REV1: variants seen among roughly 807,000 people sequenced by gnomAD.
REV1 encodes translesion synthesis protein REV1.
REV1 carries 42 observed loss-of-function variants against 137.4 expected under a neutral mutation model. That is an observed-to-expected ratio of 0.31 (90% CI 0.24 to 0.40). REV1 has a LOEUF of 0.40. REV1 is among the 10% of genes least tolerant of loss of function. The probability of loss-of-function intolerance (pLI) is 1.00; values close to 1 mark genes in which losing one functional copy is unlikely to be tolerated. For synonymous variants in REV1, 524 were observed against 519.2 expected (o/e 1.01, Z -0.12); for missense variants, 1,282 against 1,490.1 (o/e 0.86, Z 2.30).
At chr2:99,445,880 A>G (rs867125711) in intron 4 of REV1, among the ~76,000 whole-genome samples, 1 of 152,198 alleles carries the variant, frequency 6.6e-6, no homozygotes, top group African/African-American at 2.4e-5. Context: ...CACCCCACAT[A>G]CTTACAAGTG....
Position 99,412,861 on chromosome 2 carries a change from T to A in REV1, c.2042A>T (p.Lys681Ile). 6.2e-7 allele frequency: 1 copy of A among 1,614,168 alleles called. No homozygotes were observed. The change falls in exon 13 of 23, where the codon AAA becomes ATA. Residue 681 changes from lysine (K) to isoleucine (I), a missense_variant. This residue lies in a region of REV1 where 372 missense variants were observed against 482.3 expected (regional missense o/e 0.77). Coordinates refer to ENST00000258428, the MANE Select transcript of REV1 (RefSeq NM_016316.4). ...CTGACCTGTTTTGGGACCAAATTCT[T>A]TTTGGAGTTTTGCCATGGTCATATA... ...LQYMTMAKLQ[K>I]EFGPKTGQML...
At chr2:99,481,472 A>G (rs996331500) in intron 1 of REV1, among the ~76,000 whole-genome samples, 4 of 152,250 alleles carry the variant, frequency 2.6e-5, no homozygotes, top group Non-Finnish European at 5.9e-5. Context: ...AATTTTTAAT[A>G]CAACAGAGGT....
At chr2:99,418,158 A>C (rs1678143920) in intron 12 of REV1, among the ~76,000 whole-genome samples, 1 of 150,016 alleles carries the variant, frequency 6.7e-6, no homozygotes, top group Non-Finnish European at 1.5e-5. Context: ...TCTACTTTTA[A>C]CAAATGAATT....
intron 5 of REV1, among the ~76,000 whole-genome samples, chr2:99,440,869 T>C (rs149425652): frequency 1.3e-3 from 196 of 152,304 alleles, no homozygotes; most frequent in Non-Finnish European, 2.1e-3. Context: ...AAGCCATATA[T>C]TGGCAGGAAA....
intron 10 of REV1, among the ~76,000 whole-genome samples, chr2:99,422,505 T>C (rs1678815900): frequency 6.6e-6 from 1 of 152,154 alleles, no homozygotes; most frequent in Non-Finnish European, 1.5e-5. Context: ...TACAATCAGA[T>C]TAAGATCTCT....
rs751763711 is a variant in REV1 at position 99,402,240 on chromosome 2, C to T, written c.3644+4G>A. 1.1e-5 allele frequency: 13 copies of T among 1,170,954 alleles called. No individual in the cohort carries two copies. The highest frequency in any genetic ancestry group is 2.4e-5 in the East Asian group (1 of 41,184). The allele number at this position is 1,170,954 out of a possible 1,614,324, so 72.5% of individuals were successfully genotyped here. A position where few individuals can be genotyped will look rare whatever the true frequency, so the allele number is the denominator to read the frequency against. On this transcript the variant is annotated splice_donor_region_variant and intron_variant, in intron 22 of 22. Coordinates refer to ENST00000258428, the MANE Select transcript of REV1 (RefSeq NM_016316.4). ...CCCATTTGATAAAAGTGATGAATTA[C>T]TACCTTTTCATGTATTTTATAACTA... is the stretch of plus-strand genomic sequence containing the variant.
chr2:99,436,040 C>T (rs1680704691), intron 6 of REV1, 99 bp from the exon 7 acceptor site: 3 of 732,678 alleles, frequency 4.1e-6, no homozygotes, highest in Non-Finnish European at 4.7e-6. Context: ...AACATGCTTA[C>T]ACCCAGAATG....
At chr2:99,466,888 A>G (rs1228454653) in intron 1 of REV1, among the ~76,000 whole-genome samples, 1 of 152,210 alleles carries the variant, frequency 6.6e-6, no homozygotes, top group Non-Finnish European at 1.5e-5. Flanking sequence ...CCTGTTTTCA[A>G]GAGGCTCATT....
chr2:99,415,598 C>A (rs1049759840), intron 12 of REV1, among the ~76,000 whole-genome samples: 5 of 152,236 alleles, frequency 3.3e-5, no homozygotes, highest in African/African-American at 1.2e-4. Context: ...CATGTGACCA[C>A]TGAGCACTTG....
intron 17 of REV1, 139 bp downstream of exon 17, chr2:99,405,771 C>T (rs1676192756): frequency 1.4e-5 from 8 of 555,906 alleles, no homozygotes; most frequent in Non-Finnish European, 2.0e-5. Flanking sequence ...CATGATCTAC[C>T]CAAACAAGTG....
chr2:99,457,308 C>G (rs561486078), intron 3 of REV1, among the ~76,000 whole-genome samples: 2 of 152,324 alleles, frequency 1.3e-5, no homozygotes, highest in East Asian at 3.9e-4. Flanking sequence ...GATGTCAATT[C>G]TCCCCGAACT....
At position 99,403,094 on chromosome 2, in the gene REV1, G is replaced by A; in HGVS notation, c.3179C>T (p.Pro1060Leu). The change falls in exon 20 of 23, where the codon CCT becomes CTT. Residue 1060 changes from proline (P) to leucine (L), a missense_variant. By Grantham distance (98) the Pro-to-Leu change is moderately conservative (BLOSUM62 -3). Coordinates refer to ENST00000258428, the MANE Select transcript of REV1 (RefSeq NM_016316.4). ...QSASASVPKN[P>L]LLHLKAAVKE... The stretch of plus-strand genomic sequence containing the variant: ...CACTGCTGCCTTTAGATGAAGTAAA[G>A]GATTCTTTGGCACTAAGAGCAGATG... 3 of 1,605,030 alleles carry A rather than the reference G, an allele frequency of 1.9e-6. No homozygotes were observed. The highest frequency in any genetic ancestry group is 1.3e-5 in the African/African-American group (1 of 74,582).
intron 3 of REV1, among the ~76,000 whole-genome samples, chr2:99,455,998 T>C (rs987464911): frequency 5.3e-5 from 8 of 152,162 alleles, no homozygotes; most frequent in African/African-American, 1.9e-4. Flanking sequence ...TCTTTCCATA[T>C]GAACTGTCCC....
intron 11 of REV1, among the ~76,000 whole-genome samples, chr2:99,420,887 A>C (rs1447138263): frequency 1.3e-5 from 2 of 152,178 alleles, no homozygotes; most frequent in East Asian, 3.9e-4. Flanking sequence ...GCCAGAAGGT[A>C]ATGAGTGGGT....
At chr2:99,488,765 TCCTAC>T (rs528680788) in intron 1 of REV1, among the ~76,000 whole-genome samples, 191 of 152,298 alleles carry the variant, frequency 1.3e-3, no homozygotes, top group African/African-American at 4.5e-3. Flanking sequence ...TTATGGTTGG[TCCTAC>T]CCTACCTAAA....
intron 8 of REV1, among the ~76,000 whole-genome samples, chr2:99,430,228 C>T (rs139550249): frequency 3.9e-3 from 598 of 151,746 alleles, no homozygotes; most frequent in Non-Finnish European, 6.3e-3. Flanking sequence ...TATAAAATAT[C>T]CTATAACACA....
At chr2:99,425,170 G>GTGCC (rs1679180258) in intron 9 of REV1, among the ~76,000 whole-genome samples, 1 of 151,968 alleles carries the variant, frequency 6.6e-6, no homozygotes, top group Admixed American at 6.5e-5. Context: ...GCATGGAGAC[G>GTGCC]TGCCTTGTTT....
intron 3 of REV1, among the ~76,000 whole-genome samples, chr2:99,460,402 A>T (rs1684052737): frequency 6.6e-6 from 1 of 152,174 alleles, no homozygotes; most frequent in South Asian, 2.1e-4. Context: ...AATAGCAATG[A>T]GCAAAACTGA....
At chr2:99,462,276 C>T (rs944512551) in intron 3 of REV1, among the ~76,000 whole-genome samples, 7 of 152,222 alleles carry the variant, frequency 4.6e-5, no homozygotes, top group Admixed American at 2.6e-4. Context: ...TTAAACCTCA[C>T]GTGACTTTTT....
Sources: gnomAD v4.1 joint callset for allele counts (sites outside exome capture counted in the v4.1 genomes callset) on GRCh38, gnomAD v4.1.1 for gene constraint, gnomAD v4.1.1 regional missense constraint, MANE v1.5 for transcripts, NCBI Gene and HGNC (gene_info 2026-07-23, HGNC 2026-07-21) for gene names.